GRIN2A: variants seen among roughly 807,000 people sequenced by gnomAD.
GRIN2A encodes the protein glutamate ionotropic receptor NMDA type subunit 2A.
Under a neutral mutation model 113.4 loss-of-function variants are expected in GRIN2A, and 22 were observed. That is an observed-to-expected ratio of 0.19 (90% CI 0.14 to 0.28). The LOEUF is 0.28. Ranked by LOEUF, GRIN2A falls within the 10% of genes least tolerant of loss-of-function variation. The pLI, the probability that GRIN2A is intolerant of heterozygous loss-of-function variation, is 1.00. For synonymous variants in GRIN2A, 827 were observed against 738.4 expected, an observed-to-expected ratio of 1.12 and a Z score of -1.94; for missense variants, 1,502 against 1,887.0, an observed-to-expected ratio of 0.80 and a Z score of 3.78.
intron 4 of GRIN2A, among the ~76,000 whole-genome samples, chr16:9,867,208 T>G (rs1000583754): frequency 6.6e-6 from 1 of 152,172 alleles, no homozygotes; most frequent in African/African-American, 2.4e-5. Flanking sequence ...CAAGTACAGG[T>G]GGAGAATATC....
chr16:10,130,223 G>A (rs1293097500), intron 2 of GRIN2A, among the ~76,000 whole-genome samples: 3 of 152,268 alleles, frequency 2.0e-5, no homozygotes, highest in African/African-American at 7.2e-5. Flanking sequence ...TCCACGGCAG[G>A]GTTCAAATGG....
At chr16:9,985,341 T>C (rs1005568430) in intron 2 of GRIN2A, among the ~76,000 whole-genome samples, 1 of 152,206 alleles carries the variant, frequency 6.6e-6, no homozygotes, top group African/African-American at 2.4e-5. Context: ...TAGGAAGTGA[T>C]GTTTATTAGT....
rs1452486107 is a variant in GRIN2A, at chr16:9,764,413, T to C, written c.3131A>G (p.His1044Arg). 1 of 1,613,626 alleles carries C rather than the reference T, an allele frequency of 6.2e-7. No homozygotes were observed. The highest frequency in any genetic ancestry group is 8.5e-7 in the Non-Finnish European group (1 of 1,179,916). Residue 1044 changes from histidine to arginine, a missense_variant, in exon 13 of 13, where the codon CAC becomes CGC. By Grantham distance (29) the His-to-Arg change is conservative (BLOSUM62 0). Transcript: ENST00000330684. ...RDEATAENRT[H>R]SLKSPRYLPE... ...AAGATACCTAGGGCTCTTTAGGGAG[T>C]GGGTCCTATTCTCTGCTGTTGCCTC... is the stretch of plus-strand genomic sequence containing the variant.
intron 12 of GRIN2A, among the ~76,000 whole-genome samples, chr16:9,768,136 C>T (rs1901032179): frequency 6.6e-6 from 1 of 152,318 alleles, no homozygotes; most frequent in East Asian, 1.9e-4. Context: ...TCTTGGCTCA[C>T]TGCAAGCTCC....
chr16:9,982,146 G>C (rs1052424221), intron 2 of GRIN2A, among the ~76,000 whole-genome samples: 1 of 152,028 alleles, frequency 6.6e-6, no homozygotes, highest in African/African-American at 2.4e-5. Context: ...TTAAAAACTG[G>C]GTCTTTTGTT....
chr16:10,009,980 G>C (rs1429821785), intron 2 of GRIN2A, among the ~76,000 whole-genome samples: 1 of 152,224 alleles, frequency 6.6e-6, no homozygotes, highest in Non-Finnish European at 1.5e-5. Context: ...GCACAGCGTT[G>C]CACAGTCACT....
chr16:10,014,211 A>G (rs763150748), intron 2 of GRIN2A, among the ~76,000 whole-genome samples: 1 of 152,180 alleles, frequency 6.6e-6, no homozygotes, highest in Non-Finnish European at 1.5e-5. Context: ...TGAAAACTCC[A>G]GTTTTTGGTC....
chr16:9,954,625 C>T (rs1413842504), intron 2 of GRIN2A, among the ~76,000 whole-genome samples: 1 of 152,186 alleles, frequency 6.6e-6, no homozygotes, highest in Non-Finnish European at 1.5e-5. Context: ...ACAGTCCTGG[C>T]ATACAAACCC....
intron 3 of GRIN2A, among the ~76,000 whole-genome samples, chr16:9,933,441 C>T (rs997551000): frequency 2.0e-5 from 3 of 152,154 alleles, no homozygotes; most frequent in South Asian, 2.1e-4. Flanking sequence ...AATCTGGATC[C>T]CAGATCCCCT....
At chr16:9,849,139 CACTGTTTTAT>C (rs2042831490) in intron 5 of GRIN2A, among the ~76,000 whole-genome samples, 1 of 63,632 alleles carries the variant, frequency 1.6e-5, no homozygotes, top group East Asian at 3.2e-4. Flanking sequence ...ATATAAAATA[CACTGTTTTAT>C]ATATTTAAAT....
At chr16:9,824,964 T>C (rs918033037) in intron 9 of GRIN2A, among the ~76,000 whole-genome samples, 1 of 152,030 alleles carries the variant, frequency 6.6e-6, no homozygotes, top group African/African-American at 2.4e-5. Flanking sequence ...AGCAAGACTT[T>C]CTCCCAGAGA....
chr16:9,996,317 C>T (rs563837934), intron 2 of GRIN2A, among the ~76,000 whole-genome samples: 1 of 152,168 alleles, frequency 6.6e-6, no homozygotes, highest in Non-Finnish European at 1.5e-5. Context: ...TCTTCTACCA[C>T]ATTGCATTGC....
At chr16:9,945,719 T>C (rs1462784926) in intron 2 of GRIN2A, among the ~76,000 whole-genome samples, 1 of 152,156 alleles carries the variant, frequency 6.6e-6, no homozygotes, top group African/African-American at 2.4e-5. Flanking sequence ...AGGGCTGTCA[T>C]ACATAGAGGG....
At chr16:9,850,278 G>A (rs935406897) in intron 4 of GRIN2A, among the ~76,000 whole-genome samples, 1 of 152,166 alleles carries the variant, frequency 6.6e-6, no homozygotes, top group South Asian at 2.1e-4. Context: ...CGGATGGCAA[G>A]GAAACAGCAT....
Position 9,759,093 on chromosome 16 carries a change from C to T in GRIN2A, c.*4056G>A, listed in dbSNP as rs1900473471. 1.4e-5 allele frequency: 3 copies of T among 218,512 alleles called. No homozygotes were observed. Among genetic ancestry groups the T allele is most frequent in the Non-Finnish European group, 1.8e-5 (2 of 108,892 alleles). 13.5% of individuals were successfully genotyped at this position (218,512 alleles called of 1,614,324 possible). ...TGCACAACAGCTATGCACAAAGAAA[C>T]AGTACAGGAATGTGCATAATGTTAA... is the stretch of plus-strand genomic sequence containing the variant. On this transcript the variant is annotated 3_prime_UTR_variant, in exon 13 of 13. Coordinates refer to ENST00000330684, the MANE Select transcript of GRIN2A (RefSeq NM_001134407.3).
At chr16:9,765,919 A>G (rs917682512) in intron 12 of GRIN2A, among the ~76,000 whole-genome samples, 4 of 152,112 alleles carry the variant, frequency 2.6e-5, no homozygotes, top group African/African-American at 7.2e-5. Flanking sequence ...ATGTCTTCTC[A>G]TTTTCTACTC....
intron 10 of GRIN2A, among the ~76,000 whole-genome samples, chr16:9,805,858 G>A (rs999597439): frequency 5.9e-5 from 9 of 152,282 alleles, no homozygotes; most frequent in African/African-American, 1.9e-4. Flanking sequence ...TGGCACCACT[G>A]AGGCATGACA....
chr16:10,010,606 T>C (rs545232122), intron 2 of GRIN2A, among the ~76,000 whole-genome samples: 2 of 152,200 alleles, frequency 1.3e-5, no homozygotes, highest in Non-Finnish European at 2.9e-5. Flanking sequence ...AGGTACTTCA[T>C]AGGTTCATAA....
rs182186478 is a variant in GRIN2A at position 9,975,903 on chromosome 16, G to A, written c.415-37352C>T. Among the ~76,000 whole-genome samples the A allele has an allele frequency of 3.0e-3, 462 of 152,308 alleles. 1 individual carries two copies. The highest frequency in any genetic ancestry group is 5.4e-3 in the Non-Finnish European group (364 of 68,026). On this transcript the variant is annotated intron_variant, in intron 2 of 12. Coordinates refer to ENST00000330684, the MANE Select transcript of GRIN2A (RefSeq NM_001134407.3). ...ATCAGATAAAACAGACTTCAAGACA[G>A]TATTCCCGGAGGGGCATTTCATAAT... is the stretch of plus-strand genomic sequence containing the variant.
Sources: gnomAD v4.1 joint callset for allele counts (sites outside exome capture counted in the v4.1 genomes callset) on GRCh38, gnomAD v4.1.1 for gene constraint, MANE v1.5 for transcripts, NCBI Gene and HGNC (gene_info 2026-07-23, HGNC 2026-07-21) for gene names.